The following NRG1 variants were observed in gnomAD, a reference collection of about 807,000 sequenced individuals.
The protein encoded by NRG1 is neuregulin 1.
A neutral mutation model predicts 63.8 loss-of-function variants in NRG1; 18 were observed. The observed-to-expected ratio is 0.28, with a 90% CI of 0.19 to 0.42. The LOEUF is 0.42. Ranked by LOEUF, NRG1 falls within the 10% of genes least tolerant of loss-of-function variation. The probability of loss-of-function intolerance (pLI) is 1.00; values close to 1 mark genes in which losing one functional copy is unlikely to be tolerated. For synonymous variants in NRG1, 302 were observed against 301.3 expected (o/e 1.00, Z -0.02); for missense variants, 762 against 814.7 (o/e 0.94, Z 0.79).
At chr8:32,202,885 A>G (rs1843637303) in intron 1 of NRG1, among the ~76,000 whole-genome samples, 1 of 151,392 alleles carries the variant, frequency 6.6e-6, no homozygotes, top group South Asian at 2.1e-4. Context: ...GTGGGTCAAA[A>G]GGCAACATTT....
chr8:31,823,117 CTTTTTTTTTTT>C (rs147209584), intron 1 of NRG1, among the ~76,000 whole-genome samples: 1 of 77,964 alleles, frequency 1.3e-5, no homozygotes, highest in African/African-American at 5.0e-5. Context: ...TGTCCTTGTT[CTTTTTTTTTTT>C]TTTTTTTTTT....
rs75774301 is a variant in NRG1, at chr8:32,591,193, T to A, written c.101-4635T>A. The stretch of plus-strand genomic sequence containing the variant: ...TGAAAAGCTGGATATCCTCATGTCA[T>A]AGAAGTTACCCCAGAAGGACGCAGC... On this transcript the variant is annotated intron_variant, in intron 1 of 11. Transcript: ENST00000356819. Among the ~76,000 whole-genome samples the A allele has an allele frequency of 4.0e-3, 604 of 152,312 alleles. 6 individuals are homozygous for A. Among genetic ancestry groups the A allele is most frequent in the African/African-American group, 0.014 (589 of 41,566 alleles).
At chr8:32,436,954 C>A (rs759922006) in intron 1 of NRG1, among the ~76,000 whole-genome samples, 3 of 152,022 alleles carry the variant, frequency 2.0e-5, no homozygotes, top group Non-Finnish European at 4.4e-5. Flanking sequence ...CCATACTCAG[C>A]ACCAATCCCC....
chr8:32,227,958 A>C (rs1165627217), intron 1 of NRG1, among the ~76,000 whole-genome samples: 1 of 152,238 alleles, frequency 6.6e-6, no homozygotes, highest in African/African-American at 2.4e-5. Context: ...ACAAGTTGTT[A>C]GCAATATTTG....
intron 1 of NRG1, among the ~76,000 whole-genome samples, chr8:32,145,057 C>T (rs934662055): frequency 7.9e-5 from 12 of 152,148 alleles, no homozygotes; most frequent in Admixed American, 2.6e-4. Context: ...ACAAGCTCTG[C>T]GAGATATCCT....
intron 1 of NRG1, among the ~76,000 whole-genome samples, chr8:32,452,997 C>T (rs1821152155): frequency 1.3e-5 from 2 of 152,172 alleles, no homozygotes; most frequent in Admixed American, 1.3e-4. Context: ...GAATGCCACT[C>T]TCCATTGATG....
At chr8:32,564,589 G>T (rs1384178104) in intron 1 of NRG1, among the ~76,000 whole-genome samples, 2 of 152,100 alleles carry the variant, frequency 1.3e-5, no homozygotes, top group Non-Finnish European at 2.9e-5. Context: ...TCAGAGAATG[G>T]GCTTAGTCAG....
chr8:32,329,190 A>C (rs552809938), intron 1 of NRG1, among the ~76,000 whole-genome samples: 126 of 152,114 alleles, frequency 8.3e-4, no homozygotes, highest in African/African-American at 2.8e-3. Flanking sequence ...GCTGGTCTTG[A>C]CTTCGTGGGC....
chr8:32,627,001 CAG>C (rs1468661335), intron 5 of NRG1, among the ~76,000 whole-genome samples: 1 of 151,392 alleles, frequency 6.6e-6, no homozygotes, highest in Non-Finnish European at 1.5e-5. Flanking sequence ...GCCTGGGTGA[CAG>C]AGCAACACTC....
At chr8:32,547,825 T>TC (rs1332718820), upstream of NRG1, among the ~76,000 whole-genome samples, 3 of 151,906 alleles carry the variant, frequency 2.0e-5, no homozygotes, top group Non-Finnish European at 4.4e-5. Flanking sequence ...CCACCAACGT[T>TC]CCCCCCGCAC....
chr8:32,293,725 T>C (rs1404354831), intron 1 of NRG1, among the ~76,000 whole-genome samples: 10 of 143,846 alleles, frequency 7.0e-5, no homozygotes, highest in Non-Finnish European at 4.6e-5. Flanking sequence ...CTTCTTTTTT[T>C]TTTTTTTTTT....
rs546895490 is a variant in NRG1 at position 31,985,512 on chromosome 8, C to T, written c.37+346081C>T. 3.9e-5 allele frequency among the ~76,000 whole-genome samples: 6 copies of T among 152,106 alleles called. No individual in the cohort carries two copies. In the South Asian group the frequency reaches 1.2e-3, roughly 32 times the overall value. ...TGTTACCATTTATTACTAAGAGGAC[C>T]TGATACACAAAAATATAAATTACTT... On this transcript the variant is annotated intron_variant, in intron 1 of 10. Coordinates refer to the NRG1 transcript ENST00000519301.
chr8:32,309,681 C>G (rs1231132738), intron 1 of NRG1, among the ~76,000 whole-genome samples: 1 of 152,228 alleles, frequency 6.6e-6, no homozygotes, highest in South Asian at 2.1e-4. Context: ...TGGTGGACTT[C>G]CTCCCTTGTG....
In NRG1 at chr8:32,077,893, G is replaced by A. The variant is rs370325862; in HGVS notation, c.37+438462G>A. 5.9e-5 allele frequency among the ~76,000 whole-genome samples: 9 copies of A among 152,250 alleles called. 1 individual carries two copies. In the East Asian group the frequency reaches 1.7e-3, roughly 29 times the overall value. The stretch of plus-strand genomic sequence containing the variant: ...AGTATCAGACCAGCTCCTTCCTATT[G>A]GGGGCTGAATTCCCTTGGGCTCTCC... On this transcript the variant is annotated intron_variant, in intron 1 of 10. Transcript: ENST00000519301.
intron 1 of NRG1, among the ~76,000 whole-genome samples, chr8:32,001,149 A>G (rs1812857573): frequency 6.6e-6 from 1 of 151,992 alleles, no homozygotes; most frequent in Admixed American, 6.6e-5. Context: ...AATACTAATT[A>G]TTTTTTATTG....
intron 1 of NRG1, among the ~76,000 whole-genome samples, chr8:31,869,663 A>AG (rs1196838778): frequency 6.6e-6 from 1 of 152,220 alleles, no homozygotes; most frequent in Non-Finnish European, 1.5e-5. Context: ...ACTTTTGGTT[A>AG]GGTACATAGG....
chr8:32,060,277 T>C (rs569198533), intron 1 of NRG1, among the ~76,000 whole-genome samples: 50 of 149,908 alleles, frequency 3.3e-4, no homozygotes, highest in African/African-American at 1.2e-3. Context: ...GCAGACTGCT[T>C]TTTTTTTTAT....
At chr8:32,350,471 G>A (rs1805460703) in intron 1 of NRG1, among the ~76,000 whole-genome samples, 1 of 152,136 alleles carries the variant, frequency 6.6e-6, no homozygotes, top group Non-Finnish European at 1.5e-5. Flanking sequence ...TCCCATTTCT[G>A]GTTTGAAAGT....
At chr8:32,744,711 G>A (rs1349763405) in intron 7 of NRG1, among the ~76,000 whole-genome samples, 1 of 151,972 alleles carries the variant, frequency 6.6e-6, no homozygotes, top group Non-Finnish European at 1.5e-5. Context: ...TGCTTTGAAG[G>A]CAATGTTCAG....
Sources: allele counts gnomAD v4.1 joint callset (sites outside exome capture counted in the v4.1 genomes callset), GRCh38; gene constraint gnomAD v4.1.1; transcripts MANE v1.5; gene names NCBI Gene and HGNC (gene_info 2026-07-23, HGNC 2026-07-21).